TMPPE: variants seen among roughly 807,000 people sequenced by gnomAD.
The protein encoded by TMPPE is transmembrane protein with metallophosphoesterase domain.
TMPPE carries 16 observed loss-of-function variants against 22.6 expected under a neutral mutation model. That is an observed-to-expected ratio of 0.71 (90% CI 0.48 to 1.08). The LOEUF (loss-of-function observed/expected upper bound fraction) is 1.08. TMPPE is among the 50% of genes least tolerant of loss of function. The pLI, the probability that TMPPE is intolerant of heterozygous loss-of-function variation, is 0.00. For missense variants in TMPPE, 526 were observed against 584.3 expected (o/e 0.90, Z 1.03); for synonymous variants, 240 against 245.3 (o/e 0.98, Z 0.20).
In TMPPE at chr3:33,096,511, A is replaced by G. The variant is rs909547905; in HGVS notation, c.-109+208T>C. The G allele has an allele frequency of 1.1e-5, 11 of 985,252 alleles. No individual in the cohort carries two copies. The African/African-American group carries it at 1.4e-4, about 13-fold the overall frequency. 61.0% of individuals were successfully genotyped at this position (985,252 alleles called of 1,614,324 possible). Reference sequence around the variant, plus strand: ...GAGTGGTGAGAAAGGAACAAGATGCACGAAGAGGGAGAGCACCCAGAGGGG... The same window carrying G: ...GAGTGGTGAGAAAGGAACAAGATGCGCGAAGAGGGAGAGCACCCAGAGGGG... On this transcript the variant is annotated intron_variant, in intron 1 of 1. Coordinates refer to ENST00000342462, the MANE Select transcript of TMPPE (RefSeq NM_001039770.3).
At chr3:33,094,845 A>G (rs1700938640) in intron 1 of TMPPE, among the ~76,000 whole-genome samples, 2 of 152,226 alleles carry the variant, frequency 1.3e-5, no homozygotes, top group Non-Finnish European at 2.9e-5. Flanking sequence ...GGGGAGAAAT[A>G]CTATTGTTTT....
Position 33,093,860 on chromosome 3 carries a change from A to G in TMPPE, c.336T>C (p.Tyr112=), listed in dbSNP as rs1315071376. ...AGGAGTAGGCCGCCAAGGAAAAGAG[A>G]TAGGGCTCTTCGGCCACTAAAAAGA... ...TMFFLVAEEP[Y]LFSLAAYSCL... is the part of the protein sequence containing the mutation. The change falls in exon 2 of 2, where the codon TAT becomes TAC. Residue 112 remains tyrosine (Y), a synonymous_variant. Coordinates refer to ENST00000342462, the MANE Select transcript of TMPPE (RefSeq NM_001039770.3). The surrounding 1 kb of genome is among the most constrained non-coding windows in gnomAD (Gnocchi z 6.0). 3.7e-6 allele frequency: 6 copies of G among 1,613,644 alleles called. No individual in the cohort carries two copies. The highest frequency in any genetic ancestry group is 5.1e-6 in the Non-Finnish European group (6 of 1,179,858).
Position 33,091,081 on chromosome 3 carries a change from G to C in TMPPE, c.*1753C>G. 7 of 985,410 alleles carry C rather than the reference G, an allele frequency of 7.1e-6. No individual in the cohort carries two copies. Among genetic ancestry groups the C allele is most frequent in the Non-Finnish European group, 8.4e-6 (7 of 829,934 alleles). 61.0% of individuals were successfully genotyped at this position (985,410 alleles called of 1,614,324 possible). A position where few individuals can be genotyped will look rare whatever the true frequency, so the allele number is the denominator to read the frequency against. The stretch of plus-strand genomic sequence containing the variant: ...AGTGGAAGTGAAATGGCACCATCTA[G>C]CCCACCTGGTGAAATCCAAAGCGAG... On this transcript the variant is annotated 3_prime_UTR_variant, in exon 2 of 2. Coordinates refer to ENST00000342462, the MANE Select transcript of TMPPE (RefSeq NM_001039770.3).
At position 33,094,083 on chromosome 3, in the gene TMPPE, C is replaced by G. The variant is rs762217240; in HGVS notation, c.113G>C (p.Arg38Thr). The G allele has an allele frequency of 1.2e-5, 20 of 1,614,146 alleles. No homozygotes were observed. The highest frequency in any genetic ancestry group is 5.0e-5 in the Admixed American group (3 of 60,012). ...CAAGCGAAGCAGCCAACGCCAGGCCCTGAGCTCAAGGCTCTCTGCCAGATA... is the reference window on the plus strand; with the variant it reads ...CAAGCGAAGCAGCCAACGCCAGGCCGTGAGCTCAAGGCTCTCTGCCAGATA... The part of the protein sequence containing the change: ...RSYLAESLEL[R>T]AWRWLLRLQL... Residue 38 changes from arginine (R) to threonine (T), a missense_variant, in exon 2 of 2, where the codon AGG becomes ACG. Coordinates refer to ENST00000342462, the MANE Select transcript of TMPPE (RefSeq NM_001039770.3).
Position 33,093,474 on chromosome 3 carries a change from G to A in TMPPE, c.722C>T (p.Thr241Met), listed in dbSNP as rs139910662. The A allele has an allele frequency of 1.2e-5, 20 of 1,613,980 alleles. No homozygotes were observed. Among genetic ancestry groups the A allele is most frequent in the South Asian group, 4.4e-5 (4 of 91,076 alleles). Residue 241 changes from threonine (T) to methionine (M), a missense_variant, in exon 2 of 2, where the codon ACG (threonine) becomes ATG (methionine). Transcript: ENST00000342462. The surrounding 1 kb of genome is among the most constrained non-coding windows in gnomAD (Gnocchi z 6.0). ...RMVNVLEPDITVIVGDLSDSE... is the reference protein window; with the variant it reads ...RMVNVLEPDIMVIVGDLSDSE... ...GTCGGAGAGGTCACCCACAATCACC[G>A]TGATGTCTGGTTCCAGCACATTCAC...
intron 1 of TMPPE, 157 bp downstream of exon 1, chr3:33,096,562 G>C (rs996338032): frequency 1.0e-6 from 1 of 984,396 alleles, no homozygotes; most frequent in Admixed American, 6.1e-5. Context: ...CCCACTGCAA[G>C]GGCCTCTCCT....
At chr3:33,096,384 G>A (rs1701027829) in intron 1 of TMPPE, 4 of 981,054 alleles carry the variant, frequency 4.1e-6, no homozygotes, top group East Asian at 1.1e-4. Context: ...GGCATCCCCC[G>A]GCAGCCTGCC....
rs1398002819 is a variant in TMPPE at position 33,090,454 on chromosome 3, G to C, written c.*2380C>G. ...GGAATGGCAGCAGGATCAATTTATTGAGATTTTGTGACAGCATCATATACT... is the reference window on the plus strand; with the variant it reads ...GGAATGGCAGCAGGATCAATTTATTCAGATTTTGTGACAGCATCATATACT... On this transcript the variant is annotated 3_prime_UTR_variant, in exon 2 of 2. Coordinates refer to ENST00000342462, the MANE Select transcript of TMPPE (RefSeq NM_001039770.3). The C allele has an allele frequency of 1.6e-5, 16 of 985,292 alleles. No individual in the cohort carries two copies. Among genetic ancestry groups the C allele is most frequent in the Non-Finnish European group, 1.8e-5 (15 of 829,938 alleles). The allele number at this position is 985,292 out of a possible 1,614,324, so 61.0% of individuals were successfully genotyped here.
rs1478485920 is a variant in TMPPE at position 33,091,494 on chromosome 3, C to A, written c.*1340G>T. 1.0e-6 allele frequency: 1 copy of A among 985,386 alleles called. No individual in the cohort carries two copies. Among genetic ancestry groups the A allele is most frequent in the South Asian group, 4.7e-5 (1 of 21,294 alleles). 61.0% of individuals were successfully genotyped at this position (985,386 alleles called of 1,614,324 possible). Reference sequence around the variant, plus strand: ...CTGGCTGCTCCATGAATCCTCTGGGCACCTGTGCCCAACAGAGTTCCTTAG... The same window carrying A: ...CTGGCTGCTCCATGAATCCTCTGGGAACCTGTGCCCAACAGAGTTCCTTAG... On this transcript the variant is annotated 3_prime_UTR_variant, in exon 2 of 2. Coordinates refer to ENST00000342462, the MANE Select transcript of TMPPE (RefSeq NM_001039770.3).
Position 33,094,150 on chromosome 3 carries a change from C to A in TMPPE, c.46G>T (p.Ala16Ser). 6.2e-7 allele frequency: 1 copy of A among 1,612,662 alleles called. No homozygotes were observed. The highest frequency in any genetic ancestry group is 8.5e-7 in the Non-Finnish European group (1 of 1,178,840). The change falls in exon 2 of 2, where the codon GCT becomes TCT. Residue 16 changes from alanine to serine, a missense_variant. Transcript: ENST00000342462. Reference sequence around the variant, plus strand: ...ATGGACACGAAGACAGTGACAGCAGCCAGGGTGGCCTTCGCGCCTAGGGAC... The same window carrying A: ...ATGGACACGAAGACAGTGACAGCAGACAGGGTGGCCTTCGCGCCTAGGGAC... ...QLSLGAKATL[A>S]AVTVFVSMIA... is the part of the protein sequence containing the mutation.
chr3:33,091,846 T>C lies in TMPPE; in HGVS notation c.*988A>G, dbSNP rs149919617. On this transcript the variant is annotated 3_prime_UTR_variant, in exon 2 of 2. Transcript: ENST00000342462. ...CCAGCCCTGTCTTCTCAGTGAGGCCTTTTCTAACACGGGTGCTTATCTCCA... is the reference window on the plus strand; with the variant it reads ...CCAGCCCTGTCTTCTCAGTGAGGCCCTTTCTAACACGGGTGCTTATCTCCA... 302 of 985,430 alleles carry C rather than the reference T, an allele frequency of 3.1e-4. 2 individuals are homozygous for C. The African/African-American group carries it at 5.0e-3, about 16-fold the overall frequency. The allele number at this position is 985,430 out of a possible 1,614,324, so 61.0% of individuals were successfully genotyped here. A position where few individuals can be genotyped will look rare whatever the true frequency, so the allele number is the denominator to read the frequency against.
rs1700724014 is a variant in TMPPE at position 33,090,775 on chromosome 3, G to A, written c.*2059C>T. 1 of 985,406 alleles carries A rather than the reference G, an allele frequency of 1.0e-6. No individual in the cohort carries two copies. The highest frequency in any genetic ancestry group is 1.2e-6 in the Non-Finnish European group (1 of 829,928). 61.0% of individuals were successfully genotyped at this position (985,406 alleles called of 1,614,324 possible). A position where few individuals can be genotyped will look rare whatever the true frequency, so the allele number is the denominator to read the frequency against. ...TACAAACCACATACGAGAGGGTGTTGATGTTGTTTCTCAGATACATAGGAT... is the reference window on the plus strand; with the variant it reads ...TACAAACCACATACGAGAGGGTGTTAATGTTGTTTCTCAGATACATAGGAT... On this transcript the variant is annotated 3_prime_UTR_variant, in exon 2 of 2. Transcript: ENST00000342462.
Position 33,090,762 on chromosome 3 carries a change from A to C in TMPPE, c.*2072T>G. ...CCGCGTCAGGGAATACAAACCACAT[A>C]CGAGAGGGTGTTGATGTTGTTTCTC... On this transcript the variant is annotated 3_prime_UTR_variant, in exon 2 of 2. Transcript: ENST00000342462. 1.0e-6 allele frequency: 1 copy of C among 985,392 alleles called. No homozygotes were observed. The highest frequency in any genetic ancestry group is 1.2e-6 in the Non-Finnish European group (1 of 829,932). The allele number at this position is 985,392 out of a possible 1,614,324, so 61.0% of individuals were successfully genotyped here.
Position 33,093,473 on chromosome 3 carries a change from C to T in TMPPE, c.723G>A (p.Thr241=). The T allele has an allele frequency of 1.2e-6, 2 of 1,614,158 alleles. No individual in the cohort carries two copies. The highest frequency in any genetic ancestry group is 1.7e-6 in the Non-Finnish European group (2 of 1,180,028). Residue 241 remains threonine, a synonymous_variant, in exon 2 of 2, where the codon ACG becomes ACA. Coordinates refer to ENST00000342462, the MANE Select transcript of TMPPE (RefSeq NM_001039770.3). The surrounding 1 kb of genome is among the most constrained non-coding windows in gnomAD (Gnocchi z 6.0). ...AGTCGGAGAGGTCACCCACAATCAC[C>T]GTGATGTCTGGTTCCAGCACATTCA... ...RMVNVLEPDI[T]VIVGDLSDSE... is the part of the protein sequence containing the mutation.
Position 33,093,725 on chromosome 3 carries a change from C to T in TMPPE, c.471G>A (p.Glu157=). 6.2e-7 allele frequency: 1 copy of T among 1,614,064 alleles called. No homozygotes were observed. Among genetic ancestry groups the T allele is most frequent in the South Asian group, 1.1e-5 (1 of 91,066 alleles). Residue 157 remains glutamate, a synonymous_variant, in exon 2 of 2, where the codon GAG becomes GAA. Transcript: ENST00000342462. The surrounding 1 kb of genome is among the most constrained non-coding windows in gnomAD (Gnocchi z 6.0). ...WRSGRVVGSL[E]KTRKLVLRPA... is the part of the protein sequence containing the mutation. ...GCCTGAGCACGAGCTTCCTTGTCTT[C>T]TCAAGGCTGCCCACGACCCTACCAC...
At position 33,094,186 on chromosome 3, in the gene TMPPE, A is replaced by C. The variant is rs1195784280; in HGVS notation, c.10T>G (p.Phe4Val). MAI[F>V]RQLSLGAKAT... is the part of the protein sequence containing the mutation. ...TTCGCGCCTAGGGACAGCTGCCTGA[A>C]GATGGCCATTTTCTCTGCTCCTAGT... The change falls in exon 2 of 2, where the codon TTC (phenylalanine) becomes GTC (valine). Residue 4 changes from phenylalanine (F) to valine (V), a missense_variant. By Grantham distance (50) the Phe-to-Val change is conservative. Transcript: ENST00000342462. The C allele has an allele frequency of 1.7e-5, 28 of 1,600,818 alleles. No individual in the cohort carries two copies. Among genetic ancestry groups the C allele is most frequent in the Non-Finnish European group, 2.4e-5 (28 of 1,171,108 alleles).
Position 33,096,781 on chromosome 3 carries a change from G to A in TMPPE, c.-171C>T, listed in dbSNP as rs977990223. 3.7e-4 allele frequency: 497 copies of A among 1,335,530 alleles called. No homozygotes were observed. The highest frequency in any genetic ancestry group is 4.3e-4 in the Non-Finnish European group (454 of 1,047,656). 82.7% of individuals were successfully genotyped at this position (1,335,530 alleles called of 1,614,324 possible). The stretch of plus-strand genomic sequence containing the variant: ...CCAAGCGCAAAGGGCGGCCGGAGCG[G>A]AACGCACAAGCGACCGAGCTGCCTG... On this transcript the variant is annotated 5_prime_UTR_variant, in exon 1 of 2. Transcript: ENST00000342462.
intron 1 of TMPPE, among the ~76,000 whole-genome samples, chr3:33,094,971 G>T (rs919425701): frequency 1.3e-5 from 2 of 152,208 alleles, no homozygotes; most frequent in Non-Finnish European, 2.9e-5. Flanking sequence ...AGCACTTTGG[G>T]AGGCCGAGGC....
rs1331382513 is a variant in TMPPE, at chr3:33,092,703, G to C, written c.*131C>G. The C allele has an allele frequency of 6.9e-7, 1 of 1,455,668 alleles. No homozygotes were observed. Among genetic ancestry groups the C allele is most frequent in the African/African-American group, 1.4e-5 (1 of 70,818 alleles). The allele number at this position is 1,455,668 out of a possible 1,614,324, so 90.2% of individuals were successfully genotyped here. A position where few individuals can be genotyped will look rare whatever the true frequency, so the allele number is the denominator to read the frequency against. On this transcript the variant is annotated 3_prime_UTR_variant, in exon 2 of 2. Coordinates refer to ENST00000342462, the MANE Select transcript of TMPPE (RefSeq NM_001039770.3). ...CCACCATAAGTCACTGTTTGAGTCAGGCTTGTGACCAAGGGTGTGTAGGCA... is the reference window on the plus strand; with the variant it reads ...CCACCATAAGTCACTGTTTGAGTCACGCTTGTGACCAAGGGTGTGTAGGCA...
Sources: gnomAD v4.1 joint callset for allele counts (sites outside exome capture counted in the v4.1 genomes callset) on GRCh38, gnomAD v4.1.1 for gene constraint, Gnocchi (gnomAD v3.1) non-coding constraint, MANE v1.5 for transcripts, NCBI Gene and HGNC (gene_info 2026-07-23, HGNC 2026-07-21) for gene names.